The following GPR78 variants were observed in gnomAD, a reference collection of about 807,000 sequenced individuals.
GPR78 encodes G protein-coupled receptor 78.
In GPR78, 29 loss-of-function variants were observed where a neutral mutation model predicts 17.9. That is an observed-to-expected ratio of 1.62 (90% confidence interval 1.20 to 2.21). GPR78 has a LOEUF of 2.21. GPR78 is among the 30% of genes most tolerant of loss of function. The probability of loss-of-function intolerance (pLI) is 0.00; values close to 1 mark genes in which losing one functional copy is unlikely to be tolerated. For synonymous variants in GPR78, 349 were observed against 256.9 expected (o/e 1.36, Z -3.43); for missense variants, 649 against 530.5 (o/e 1.22, Z -2.19).
Position 8,580,809 on chromosome 4 carries a change from G to C in GPR78, c.-174G>C, listed in dbSNP as rs1388097174. ...GCTACGCCCTCCCCCCGGGTGCCCCGGACCCTGCACTTGCCGCCGCTTTCC... is the reference window on the plus strand; with the variant it reads ...GCTACGCCCTCCCCCCGGGTGCCCCCGACCCTGCACTTGCCGCCGCTTTCC... On this transcript the variant is annotated 5_prime_UTR_variant, in exon 1 of 3. Coordinates refer to ENST00000382487, the MANE Select transcript of GPR78 (RefSeq NM_080819.5). 1.5e-6 allele frequency: 1 copy of C among 666,978 alleles called. No individual in the cohort carries two copies. Among genetic ancestry groups the C allele is most frequent in the African/African-American group, 1.9e-5 (1 of 53,360 alleles). The allele number at this position is 666,978 out of a possible 1,614,324, so 41.3% of individuals were successfully genotyped here. A position where few individuals can be genotyped will look rare whatever the true frequency, so the allele number is the denominator to read the frequency against.
In GPR78 at chr4:8,587,360, C is replaced by A; in HGVS notation, c.1089C>A (p.His363Gln). Residue 363 changes from histidine to glutamine, a missense_variant, in exon 3 of 3, where the codon CAC becomes CAA. Physicochemically the swap from His to Gln is conservative, Grantham distance 24. Coordinates refer to ENST00000382487, the MANE Select transcript of GPR78 (RefSeq NM_080819.5). ...TENDSCLQQT[H>Q] is the part of the protein sequence containing the mutation. ...ATGATTCCTGCCTGCAGCAGACACA[C>A]TGAGGGCCTGGCAGGGCTCATCGCC... The A allele has an allele frequency of 6.2e-7, 1 of 1,611,584 alleles. No individual in the cohort carries two copies. The highest frequency in any genetic ancestry group is 8.5e-7 in the Non-Finnish European group (1 of 1,178,974).
Position 8,581,509 on chromosome 4 carries a change from T to G in GPR78, c.527T>G (p.Leu176Arg), listed in dbSNP as rs761863563. Residue 176 changes from leucine (L) to arginine (R), a missense_variant, in exon 1 of 3, where the codon CTC (leucine) becomes CGC (arginine). Leu to Arg is a moderately radical substitution (Grantham distance 102, BLOSUM62 -2). Coordinates refer to ENST00000382487, the MANE Select transcript of GPR78 (RefSeq NM_080819.5). ...CGCTTCGCAGCCTTCACCGCCACGCTCCATGCCGTGGGCTTCGTGCTGCCG... is the reference window on the plus strand; with the variant it reads ...CGCTTCGCAGCCTTCACCGCCACGCGCCATGCCGTGGGCTTCGTGCTGCCG... ...RPRFAAFTATLHAVGFVLPLA... is the reference protein window; with the variant it reads ...RPRFAAFTATRHAVGFVLPLA... 5 of 1,591,920 alleles carry G rather than the reference T, an allele frequency of 3.1e-6. No individual in the cohort carries two copies. Among genetic ancestry groups the G allele is most frequent in the Non-Finnish European group, 4.2e-6 (5 of 1,177,010 alleles).
chr4:8,581,508 C>T lies in GPR78; in HGVS notation c.526C>T (p.Leu176Phe), dbSNP rs774616886. The T allele has an allele frequency of 5.7e-6, 9 of 1,592,220 alleles. No individual in the cohort carries two copies. The highest frequency in any genetic ancestry group is 5.4e-5 in the African/African-American group (4 of 74,716). ...RPRFAAFTAT[L>F]HAVGFVLPLA... is the part of the protein sequence containing the mutation. ...GCGCTTCGCAGCCTTCACCGCCACG[C>T]TCCATGCCGTGGGCTTCGTGCTGCC... The change falls in exon 1 of 3, where the codon CTC becomes TTC. Residue 176 changes from leucine to phenylalanine, a missense_variant. Physicochemically the swap from Leu to Phe is conservative, Grantham distance 22. Transcript: ENST00000382487.
At chr4:8,585,182 A>G (rs1217208983) in intron 2 of GPR78, among the ~76,000 whole-genome samples, 1 of 152,094 alleles carries the variant, frequency 6.6e-6, no homozygotes, top group Non-Finnish European at 1.5e-5. Context: ...TCTACTGGAG[A>G]CGGGGGAGGG....
At chr4:8,581,865 A>C (rs1479688895) in intron 1 of GPR78, among the ~76,000 whole-genome samples, 1 of 151,666 alleles carries the variant, frequency 6.6e-6, no homozygotes, top group Non-Finnish European at 1.5e-5. Flanking sequence ...TGCTCAGTGC[A>C]CAGGGAGCTT....
chr4:8,582,174 C>T (rs1482918401), intron 1 of GPR78, among the ~76,000 whole-genome samples: 2 of 152,084 alleles, frequency 1.3e-5, no homozygotes, highest in African/African-American at 2.4e-5. Context: ...CACAGAACAC[C>T]CAAGAGGCTC....
Position 8,588,699 on chromosome 4 carries a change from C to T in GPR78, c.*1336C>T, listed in dbSNP as rs1370720183. 6.6e-6 allele frequency among the ~76,000 whole-genome samples: 1 copy of T among 152,182 alleles called. No homozygotes were observed. The highest frequency in any genetic ancestry group is 1.5e-5 in the Non-Finnish European group (1 of 68,026). On this transcript the variant is annotated 3_prime_UTR_variant, in exon 3 of 3. Coordinates refer to ENST00000382487, the MANE Select transcript of GPR78 (RefSeq NM_080819.5). ...GGAGCCTGTATCATGACACCTTACA[C>T]CCAAGGCCAGCAATGCAAGGAGAGT...
rs913573534 is a variant in GPR78 at position 8,588,242 on chromosome 4, G to A, written c.*879G>A. On this transcript the variant is annotated 3_prime_UTR_variant, in exon 3 of 3. Transcript: ENST00000382487. Reference sequence around the variant, plus strand: ...AGGGCCCAGGTGTCCAGAGAGGGTGGCCTGGGATGGGGAGGGCCCTTGCTC... The same window carrying A: ...AGGGCCCAGGTGTCCAGAGAGGGTGACCTGGGATGGGGAGGGCCCTTGCTC... Among the ~76,000 whole-genome samples, 5 of 152,240 alleles carry A rather than the reference G, an allele frequency of 3.3e-5. No individual in the cohort carries two copies. Among genetic ancestry groups the A allele is most frequent in the African/African-American group, 1.2e-4 (5 of 41,460 alleles).
intron 2 of GPR78, among the ~76,000 whole-genome samples, chr4:8,586,477 G>A (rs988408228): frequency 1.3e-4 from 20 of 152,200 alleles, no homozygotes; most frequent in Admixed American, 1.3e-3. Context: ...AGTGACTGCT[G>A]TTCATGTGGG....
At chr4:8,585,514 T>C (rs973679842) in intron 2 of GPR78, among the ~76,000 whole-genome samples, 1 of 152,130 alleles carries the variant, frequency 6.6e-6, no homozygotes. Context: ...CTCCAGTCTA[T>C]GCCTGATATT....
Position 8,587,140 on chromosome 4 carries a change from A to G in GPR78, c.869A>G (p.Asp290Gly). The change falls in exon 3 of 3, where the codon GAC becomes GGC. Residue 290 changes from aspartate (D) to glycine (G), a missense_variant. By Grantham distance (94) the Asp-to-Gly change is moderately conservative. Coordinates refer to ENST00000382487, the MANE Select transcript of GPR78 (RefSeq NM_080819.5). Reference protein sequence around the residue: ...KCLTYSKAVADPFTYSLLRRP... With the variant: ...KCLTYSKAVAGPFTYSLLRRP... ...CTGACCTACAGCAAGGCGGTGGCCGACCCGTTCACGTACTCTCTGCTCCGC... is the reference window on the plus strand; with the variant it reads ...CTGACCTACAGCAAGGCGGTGGCCGGCCCGTTCACGTACTCTCTGCTCCGC... 1 of 1,613,112 alleles carries G rather than the reference A, an allele frequency of 6.2e-7. No individual in the cohort carries two copies. The highest frequency in any genetic ancestry group is 8.5e-7 in the Non-Finnish European group (1 of 1,179,962).
At chr4:8,584,518 G>GA (rs1713420097) in intron 2 of GPR78, among the ~76,000 whole-genome samples, 1 of 108 alleles carries the variant, frequency 9.3e-3, no homozygotes, top group Admixed American at 0.05. Flanking sequence ...ACTCTGAGCT[G>GA]GCTTTGTGCC....
chr4:8,581,976 A>G (rs975430288), intron 1 of GPR78, among the ~76,000 whole-genome samples: 1 of 152,120 alleles, frequency 6.6e-6, no homozygotes, highest in Admixed American at 6.5e-5. Flanking sequence ...GGTCTGAGGC[A>G]TCTGCTTGTT....
rs376549092 is a variant in GPR78, at chr4:8,587,132, G to A, written c.861G>A (p.Ala287=). Residue 287 remains alanine, a synonymous_variant, in exon 3 of 3, where the codon GCG becomes GCA. Transcript: ENST00000382487. ...GCAAGTGCCTGACCTACAGCAAGGC[G>A]GTGGCCGACCCGTTCACGTACTCTC... is the stretch of plus-strand genomic sequence containing the variant. ...ILSKCLTYSK[A]VADPFTYSLL... is the part of the protein sequence containing the mutation. 1.2e-5 allele frequency: 20 copies of A among 1,613,258 alleles called. No individual in the cohort carries two copies. The highest frequency in any genetic ancestry group is 1.7e-5 in the Admixed American group (1 of 60,006).
rs988897115 is a variant in GPR78 at position 8,581,087 on chromosome 4, G to T, written c.105G>T (p.Glu35Asp). 1 of 1,606,334 alleles carries T rather than the reference G, an allele frequency of 6.2e-7. No individual in the cohort carries two copies. Among genetic ancestry groups the T allele is most frequent in the South Asian group, 1.1e-5 (1 of 90,698 alleles). ...LVLLCCAYSAELRTRASGVLL... is the reference protein window; with the variant it reads ...LVLLCCAYSADLRTRASGVLL... ...TGCTTTGTTGCGCCTACAGCGCTGAGCTCCGCACTCGAGCCTCAGGCGTCC... is the reference window on the plus strand; with the variant it reads ...TGCTTTGTTGCGCCTACAGCGCTGATCTCCGCACTCGAGCCTCAGGCGTCC... The change falls in exon 1 of 3, where the codon GAG becomes GAT. Residue 35 changes from glutamate to aspartate, a missense_variant. Coordinates refer to ENST00000382487, the MANE Select transcript of GPR78 (RefSeq NM_080819.5).
At position 8,580,805 on chromosome 4, in the gene GPR78, C is replaced by T; in HGVS notation, c.-178C>T. ...CAGAGCTACGCCCTCCCCCCGGGTG[C>T]CCCGGACCCTGCACTTGCCGCCGCT... On this transcript the variant is annotated 5_prime_UTR_variant, in exon 1 of 3. Coordinates refer to ENST00000382487, the MANE Select transcript of GPR78 (RefSeq NM_080819.5). 1.5e-6 allele frequency: 1 copy of T among 650,918 alleles called. No individual in the cohort carries two copies. Among genetic ancestry groups the T allele is most frequent in the Non-Finnish European group, 2.5e-6 (1 of 393,084 alleles). The allele number at this position is 650,918 out of a possible 1,614,324, so 40.3% of individuals were successfully genotyped here.
In GPR78 at chr4:8,587,543, G is replaced by A. The variant is rs145875061; in HGVS notation, c.*180G>A. ...TGTGGGTGTGGACAGCAGTAGTGGC[G>A]GAGGAGAGCTCGGGGCTGGGCTGCC... On this transcript the variant is annotated 3_prime_UTR_variant, in exon 3 of 3. Transcript: ENST00000382487. 2,331 of 672,100 alleles carry A rather than the reference G, an allele frequency of 3.5e-3. 12 individuals are homozygous for A. The highest frequency in any genetic ancestry group is 8.1e-3 in the Middle Eastern group (20 of 2,456). The allele number at this position is 672,100 out of a possible 1,614,324, so 41.6% of individuals were successfully genotyped here.
At position 8,587,928 on chromosome 4, in the gene GPR78, C is replaced by T. The variant is rs1251699942; in HGVS notation, c.*565C>T. Among the ~76,000 whole-genome samples, 1 of 152,236 alleles carries T rather than the reference C, an allele frequency of 6.6e-6. No individual in the cohort carries two copies. The highest frequency in any genetic ancestry group is 1.5e-5 in the Non-Finnish European group (1 of 68,036). ...GTGGTCAGGACCTGGCAGGCACGGG[C>T]AGTCCCTGGGACATGCCCATCTCTG... is the stretch of plus-strand genomic sequence containing the variant. On this transcript the variant is annotated 3_prime_UTR_variant, in exon 3 of 3. Transcript: ENST00000382487.
intron 2 of GPR78, among the ~76,000 whole-genome samples, chr4:8,585,458 G>A (rs140563179): frequency 2.4e-3 from 366 of 151,726 alleles, no homozygotes; most frequent in Non-Finnish European, 4.3e-3. Context: ...CAGATCCTTC[G>A]ATAGGACCTT....
Sources: allele counts gnomAD v4.1 joint callset (sites outside exome capture counted in the v4.1 genomes callset), GRCh38; gene constraint gnomAD v4.1.1; transcripts MANE v1.5; gene names NCBI Gene and HGNC (gene_info 2026-07-23, HGNC 2026-07-21).